ASXL2: variants seen among roughly 807,000 people sequenced by gnomAD.
ASXL2 encodes ASXL transcriptional regulator 2.
In ASXL2, 23 loss-of-function variants were observed where a neutral mutation model predicts 122.0. The observed-to-expected ratio is 0.19, with a 90% CI of 0.14 to 0.27. The LOEUF (loss-of-function observed/expected upper bound fraction) is 0.27, where lower values mean the gene tolerates loss of function less well. Ranked by LOEUF, ASXL2 falls within the 10% of genes least tolerant of loss-of-function variation. The pLI, the probability that ASXL2 is intolerant of heterozygous loss-of-function variation, is 1.00. For synonymous variants in ASXL2, 650 were observed against 637.0 expected, an observed-to-expected ratio of 1.02 and a Z score of -0.31; for missense variants, 1,518 against 1,713.8, an observed-to-expected ratio of 0.89 and a Z score of 2.02.
At chr2:25,749,360 TATAAC>T (rs1350660011) in intron 12 of ASXL2, among the ~76,000 whole-genome samples, 3 of 152,188 alleles carry the variant, frequency 2.0e-5, no homozygotes, top group African/African-American at 7.2e-5. Flanking sequence ...GGCTGAGAAT[TATAAC>T]TAAGTTTTTG....
chr2:25,815,253 C>T (rs1311154152), intron 3 of ASXL2, among the ~76,000 whole-genome samples: 1 of 152,012 alleles, frequency 6.6e-6, no homozygotes, highest in Non-Finnish European at 1.5e-5. Context: ...AATAATCTGA[C>T]CTTGACCAAA....
chr2:25,823,839 T>C (rs2089342887), intron 3 of ASXL2, among the ~76,000 whole-genome samples: 1 of 152,220 alleles, frequency 6.6e-6, no homozygotes, highest in Non-Finnish European at 1.5e-5. Context: ...GGAAGACTTC[T>C]TGGCTGTCCT....
rs977119984 is a variant in ASXL2 at position 25,817,564 on chromosome 2, A to G, written c.144-11227T>C. 5.9e-5 allele frequency among the ~76,000 whole-genome samples: 9 copies of G among 152,320 alleles called. No individual in the cohort carries two copies. The East Asian group carries it at 1.3e-3, about 23-fold the overall frequency. On this transcript the variant is annotated intron_variant, in intron 3 of 12. Coordinates refer to ENST00000435504, the MANE Select transcript of ASXL2 (RefSeq NM_018263.6). ...AATTTAATTTGGGTAGGGGGTTATC[A>G]GGCATCATTTCTACAAGAAATATTG...
chr2:25,742,266 G>C lies in ASXL2; in HGVS notation c.4071C>G (p.Val1357=). The C allele has an allele frequency of 6.2e-7, 1 of 1,613,946 alleles. No individual in the cohort carries two copies. The change falls in exon 13 of 13, where the codon GTC becomes GTG. Residue 1357 remains valine (V), a synonymous_variant. Transcript: ENST00000435504. ...GSQVSSNVGD[V]MSFSVTVTTI... ...TAGTGACAGTCACTGAAAATGACAT[G>C]ACATCACCTACATTGCTAGATACCT... is the stretch of plus-strand genomic sequence containing the variant.
rs2087687464 is a variant in ASXL2 at position 25,733,877 on chromosome 2, A to T, written c.*8152T>A. 1 of 152,238 alleles carries T rather than the reference A, an allele frequency of 6.6e-6. No homozygotes were observed. The highest frequency in any genetic ancestry group is 2.1e-4 in the South Asian group (1 of 4,838). The allele number at this position is 152,238 out of a possible 1,614,324, so 9.4% of individuals were successfully genotyped here. On this transcript the variant is annotated 3_prime_UTR_variant, in exon 13 of 13. Transcript: ENST00000435504. ...TTTATACGACCAATGAAACAGCCTA[A>T]AAGTGACAGGAAAGAAGACAATAGT... is the stretch of plus-strand genomic sequence containing the variant.
At position 25,759,521 on chromosome 2, in the gene ASXL2, C is replaced by T. The variant is rs765436029; in HGVS notation, c.900G>A (p.Gln300=). 4 of 1,613,822 alleles carry T rather than the reference C, an allele frequency of 2.5e-6. No individual in the cohort carries two copies. The highest frequency in any genetic ancestry group is 3.4e-6 in the Non-Finnish European group (4 of 1,179,852). ...CTGGGAGTAGTAAAAGCAGTCGTTG[C>T]TGGCAATCTCCAGGAAGGACTGAAA... is the stretch of plus-strand genomic sequence containing the variant. ...HTFSVLPGDC[Q]QRLLLLLPEV... is the part of the protein sequence containing the mutation. Residue 300 remains glutamine, a synonymous_variant, in exon 9 of 13, where the codon CAG becomes CAA. Transcript: ENST00000435504.
intron 1 of ASXL2, 68 bp from the exon 2 acceptor site, chr2:25,845,631 T>A: frequency 1.4e-6 from 1 of 711,876 alleles, no homozygotes; most frequent in Non-Finnish European, 2.0e-6. Flanking sequence ...TATATATTTC[T>A]TATAATTACG....
chr2:25,865,994 G>A (rs1415045482), intron 1 of ASXL2, among the ~76,000 whole-genome samples: 1 of 151,910 alleles, frequency 6.6e-6, no homozygotes, highest in African/African-American at 2.4e-5. Flanking sequence ...TGACAGCTGT[G>A]ACCTTTACTT....
intron 2 of ASXL2, among the ~76,000 whole-genome samples, chr2:25,843,026 C>T (rs535212725): frequency 6.2e-4 from 94 of 150,404 alleles, no homozygotes; most frequent in African/African-American, 1.8e-3. Flanking sequence ...TTTGGCTGGG[C>T]ACGGTGGCTC....
chr2:25,742,731 G>C lies in ASXL2; in HGVS notation c.3606C>G (p.Ser1202=), dbSNP rs1316862138. ...SVTVKEEPQV[S]QSAGKGDTSS... ...TTGTGTCACCCTTGCCAGCACTCTG[G>C]GAAACCTGGGGCTCCTCTTTCACTG... Residue 1202 remains serine, a synonymous_variant, in exon 13 of 13, where the codon TCC becomes TCG. Coordinates refer to ENST00000435504, the MANE Select transcript of ASXL2 (RefSeq NM_018263.6). 5 of 1,613,780 alleles carry C rather than the reference G, an allele frequency of 3.1e-6. No homozygotes were observed. The African/African-American group carries it at 6.7e-5, about 22-fold the overall frequency.
chr2:25,875,044 C>T (rs1163429267), intron 1 of ASXL2, among the ~76,000 whole-genome samples: 1 of 152,186 alleles, frequency 6.6e-6, no homozygotes, highest in African/African-American at 2.4e-5. Context: ...CGTGGCAGTG[C>T]ACTCCAGCTT....
rs1204400690 is a variant in ASXL2, at chr2:25,735,816, T to C, written c.*6213A>G. The C allele has an allele frequency of 6.6e-6, 1 of 152,212 alleles. No homozygotes were observed. Among genetic ancestry groups the C allele is most frequent in the African/African-American group, 2.4e-5 (1 of 41,454 alleles). 9.4% of individuals were successfully genotyped at this position (152,212 alleles called of 1,614,324 possible). ...AGGTGCATTTTATTAATATGGCTCC[T>C]CATTTCCACACTTTTTTCATCTAGG... On this transcript the variant is annotated 3_prime_UTR_variant, in exon 13 of 13. Coordinates refer to ENST00000435504, the MANE Select transcript of ASXL2 (RefSeq NM_018263.6).
In ASXL2 at chr2:25,743,891, C is replaced by T. The variant is rs1440107710; in HGVS notation, c.2446G>A (p.Ala816Thr). 2 of 1,613,998 alleles carry T rather than the reference C, an allele frequency of 1.2e-6. No individual in the cohort carries two copies. Among genetic ancestry groups the T allele is most frequent in the Non-Finnish European group, 1.7e-6 (2 of 1,179,884 alleles). Reference sequence around the variant, plus strand: ...GGCCCTTGTGGATGGCTGACAGAGGCCACTGTGGCTGTTGCTCTGGTGGGG... The same window carrying T: ...GGCCCTTGTGGATGGCTGACAGAGGTCACTGTGGCTGTTGCTCTGGTGGGG... ...LNPTRATATV[A>T]SVSHPQGPSS... is the part of the protein sequence containing the mutation. Residue 816 changes from alanine (A) to threonine (T), a missense_variant, in exon 13 of 13, where the codon GCC becomes ACC. Physicochemically the swap from Ala to Thr is moderately conservative, Grantham distance 58. Transcript: ENST00000435504.
chr2:25,743,283 C>A lies in ASXL2; in HGVS notation c.3054G>T (p.Gln1018His), dbSNP rs1334441025. The A allele has an allele frequency of 6.2e-7, 1 of 1,613,774 alleles. No homozygotes were observed. The highest frequency in any genetic ancestry group is 8.5e-7 in the Non-Finnish European group (1 of 1,179,816). ...TACTTTGCAAGGTTTTGCCCAGCTG[C>A]TGCTGCGTAGCTGGATGGGACTGTC... ...NERQSHPATQ[Q>H]QLGKTLQSKQ... The change falls in exon 13 of 13, where the codon CAG (glutamine) becomes CAT (histidine). Residue 1018 changes from glutamine to histidine, a missense_variant. Around this residue, in one of 8 missense-constraint regions of ASXL2, gnomAD observed 831 missense variants for 833.1 expected, o/e 1.00. Transcript: ENST00000435504.
At chr2:25,792,473 T>TA (rs1480270284) in intron 5 of ASXL2, among the ~76,000 whole-genome samples, 2 of 152,198 alleles carry the variant, frequency 1.3e-5, no homozygotes, top group African/African-American at 4.8e-5. Context: ...TGCTTGCTTC[T>TA]ACATAAACAT....
intron 3 of ASXL2, chr2:25,810,365 T>C: frequency 1.5e-6 from 1 of 661,200 alleles, no homozygotes; most frequent in Non-Finnish European, 2.8e-6. Flanking sequence ...TCTTTTAAGG[T>C]CCAGTTTTTA....
At chr2:25,852,516 G>C (rs189505920) in intron 1 of ASXL2, among the ~76,000 whole-genome samples, 9 of 152,246 alleles carry the variant, frequency 5.9e-5, no homozygotes, top group African/African-American at 2.2e-4. Flanking sequence ...GTAACACAGT[G>C]ATCTATATAT....
chr2:25,856,417 G>T, intron 1 of ASXL2: 1 of 675,314 alleles, frequency 1.5e-6, no homozygotes, highest in Non-Finnish European at 2.7e-6. Context: ...AGCAGGTCTG[G>T]AAGACCTGGG....
At chr2:25,871,836 T>C (rs1465613444) in intron 1 of ASXL2, among the ~76,000 whole-genome samples, 1 of 152,206 alleles carries the variant, frequency 6.6e-6, no homozygotes, top group African/African-American at 2.4e-5. Flanking sequence ...AAGCAAAAAG[T>C]GTTACATCAA....
Sources: gnomAD v4.1 joint callset for allele counts (sites outside exome capture counted in the v4.1 genomes callset) on GRCh38, gnomAD v4.1.1 for gene constraint, gnomAD v4.1.1 regional missense constraint, MANE v1.5 for transcripts, NCBI Gene and HGNC (gene_info 2026-07-23, HGNC 2026-07-21) for gene names.